The following AUTS2 variants were observed in gnomAD, a reference collection of about 807,000 sequenced individuals.
AUTS2 encodes activator of transcription and developmental regulator AUTS2.
AUTS2 carries 17 observed loss-of-function variants against 112.4 expected under a neutral mutation model. The ratio of observed to expected loss-of-function variants is 0.15; its 90% CI spans 0.10 to 0.23. The LOEUF is 0.23. AUTS2 is among the 10% of genes least tolerant of loss of function. The probability of loss-of-function intolerance (pLI) is 1.00; values close to 1 mark genes in which losing one functional copy is unlikely to be tolerated. For missense variants in AUTS2, 1,510 were observed against 1,701.6 expected (o/e 0.89, Z 1.98); for synonymous variants, 751 against 702.7 (o/e 1.07, Z -1.09).
chr7:69,736,518 C>T (rs76093574), intron 1 of AUTS2, among the ~76,000 whole-genome samples: 2,705 of 152,302 alleles, frequency 0.018, 93 homozygotes, highest in African/African-American at 0.062. Flanking sequence ...TGCTATTCCT[C>T]ATGAAAAGCA....
At chr7:69,663,373 A>G (rs1223073659) in intron 1 of AUTS2, 1 of 151,970 alleles carries the variant, frequency 6.6e-6, no homozygotes, top group African/African-American at 2.4e-5. Flanking sequence ...AATACCTTTT[A>G]TGGGTTTATA....
At chr7:70,769,499 C>T (rs1790191114) in intron 10 of AUTS2, among the ~76,000 whole-genome samples, 2 of 152,316 alleles carry the variant, frequency 1.3e-5, no homozygotes, top group Non-Finnish European at 2.9e-5. Context: ...TCCTGGCTAA[C>T]ACGGTGAAAC....
intron 4 of AUTS2, among the ~76,000 whole-genome samples, chr7:70,210,185 T>C (rs1051743611): frequency 6.6e-5 from 10 of 152,182 alleles, no homozygotes; most frequent in African/African-American, 1.9e-4. Flanking sequence ...CCCACCTCCT[T>C]CTTCTACATG....
intron 1 of AUTS2, among the ~76,000 whole-genome samples, chr7:69,744,659 T>TCC (rs1787409992): frequency 7.5e-6 from 1 of 132,614 alleles, no homozygotes; most frequent in African/African-American, 2.9e-5. Flanking sequence ...AAATCAAGAC[T>TCC]CCCCACACTA....
chr7:70,068,443 C>G (rs931957699), intron 2 of AUTS2, among the ~76,000 whole-genome samples: 12 of 151,984 alleles, frequency 7.9e-5, no homozygotes, highest in Non-Finnish European at 1.8e-4. Context: ...CTTGGCCTCC[C>G]AAAGTGCTGA....
At chr7:69,636,485 C>CG (rs1562776141) in intron 1 of AUTS2, among the ~76,000 whole-genome samples, 1 of 78,188 alleles carries the variant, frequency 1.3e-5, no homozygotes, top group Non-Finnish European at 3.1e-5. Flanking sequence ...TCCGCGCCCC[C>CG]CCCCCCCCTT....
intron 1 of AUTS2, among the ~76,000 whole-genome samples, chr7:69,879,349 C>A (rs1200978974): frequency 6.6e-6 from 1 of 150,490 alleles, no homozygotes; most frequent in Non-Finnish European, 1.5e-5. Context: ...GGGATTTTGC[C>A]ATGTTGCCCA....
intron 1 of AUTS2, among the ~76,000 whole-genome samples, chr7:69,807,552 T>C (rs1021880213): frequency 6.6e-6 from 1 of 152,098 alleles, no homozygotes; most frequent in African/African-American, 2.4e-5. Context: ...CCTGTTCTTG[T>C]TGCATTTAAA....
intron 2 of AUTS2, among the ~76,000 whole-genome samples, chr7:70,024,840 C>A: frequency 6.6e-6 from 1 of 152,112 alleles, no homozygotes; most frequent in African/African-American, 2.4e-5. Flanking sequence ...ATAAGACCCA[C>A]CCACATTATA....
chr7:70,689,262 TC>T (rs761726086), intron 5 of AUTS2, among the ~76,000 whole-genome samples: 7 of 152,066 alleles, frequency 4.6e-5, no homozygotes, highest in African/African-American at 7.2e-5. Context: ...TCCCAGCTAC[TC>T]CCAACTACTC....
At chr7:69,991,725 G>C (rs1798748580) in intron 2 of AUTS2, among the ~76,000 whole-genome samples, 1 of 152,136 alleles carries the variant, frequency 6.6e-6, no homozygotes, top group African/African-American at 2.4e-5. Flanking sequence ...AGTTTTGTTA[G>C]AGCTAAGAAA....
rs140899948 is a variant in AUTS2, at chr7:70,652,819, T to G, written c.691-45750T>G. The stretch of plus-strand genomic sequence containing the variant: ...CTTGGATATTGAGATCTGTTTTGAC[T>G]CTTGGCAATGGTGGTGTTTTTTGGT... On this transcript the variant is annotated intron_variant, in intron 5 of 18. Transcript: ENST00000342771. Among the ~76,000 whole-genome samples the G allele has an allele frequency of 8.5e-5, 13 of 152,330 alleles. No homozygotes were observed. In the East Asian group the frequency reaches 2.5e-3, roughly 29 times the overall value.
chr7:70,053,123 A>G (rs1457815436), intron 2 of AUTS2, among the ~76,000 whole-genome samples: 1 of 152,222 alleles, frequency 6.6e-6, no homozygotes, highest in Admixed American at 6.5e-5. Context: ...ATTTCATAAT[A>G]TAAAATAAGA....
chr7:70,177,675 G>A (rs1390995329), intron 4 of AUTS2, among the ~76,000 whole-genome samples: 1 of 152,084 alleles, frequency 6.6e-6, no homozygotes, highest in Non-Finnish European at 1.5e-5. Flanking sequence ...CTGGCTAGGG[G>A]TTTCGTTAAG....
At chr7:70,349,017 G>A (rs977742330) in intron 4 of AUTS2, among the ~76,000 whole-genome samples, 3 of 152,144 alleles carry the variant, frequency 2.0e-5, no homozygotes, top group Admixed American at 1.3e-4. Context: ...CTAAGGTCAG[G>A]AACTATTCTA....
At chr7:69,894,576 A>G (rs944408983) in intron 1 of AUTS2, among the ~76,000 whole-genome samples, 3 of 152,102 alleles carry the variant, frequency 2.0e-5, no homozygotes, top group African/African-American at 7.2e-5. Flanking sequence ...GGAAGATAAG[A>G]GTTAGTAAGA....
At chr7:70,441,820 G>A (rs547680843) in intron 5 of AUTS2, among the ~76,000 whole-genome samples, 13 of 152,314 alleles carry the variant, frequency 8.5e-5, no homozygotes, top group Admixed American at 7.8e-4. Flanking sequence ...CAAACCACAT[G>A]CCTAACTTGG....
At chr7:69,863,995 A>G (rs1447374584) in intron 1 of AUTS2, among the ~76,000 whole-genome samples, 7 of 152,170 alleles carry the variant, frequency 4.6e-5, no homozygotes, top group Non-Finnish European at 1.0e-4. Context: ...GACTTGGGCT[A>G]TGGTTCTGAT....
intron 2 of AUTS2, among the ~76,000 whole-genome samples, chr7:70,085,331 G>A (rs1803540233): frequency 6.6e-6 from 1 of 151,516 alleles, no homozygotes; most frequent in African/African-American, 2.4e-5. Flanking sequence ...TTTTGTATAT[G>A]AAATGAGACA....
Sources: gnomAD v4.1 joint callset for allele counts (sites outside exome capture counted in the v4.1 genomes callset) on GRCh38, gnomAD v4.1.1 for gene constraint, MANE v1.5 for transcripts, NCBI Gene and HGNC (gene_info 2026-07-23, HGNC 2026-07-21) for gene names.